The following PATL1 variants were observed in gnomAD, a reference collection of about 807,000 sequenced individuals.
PATL1 encodes protein PAT1 homolog 1.
Under a neutral mutation model 100.6 loss-of-function variants are expected in PATL1, and 32 were observed. The observed-to-expected ratio is 0.32, with a 90% CI of 0.24 to 0.43. PATL1 has a LOEUF of 0.43. Among genes scored for constraint, PATL1 ranks in the 20% least tolerant of loss-of-function variants. The pLI is 1.00. For synonymous variants in PATL1, 332 were observed against 330.0 expected, an observed-to-expected ratio of 1.01 and a Z score of -0.07; for missense variants, 747 against 949.9, an observed-to-expected ratio of 0.79 and a Z score of 2.81.
intron 13 of PATL1, among the ~76,000 whole-genome samples, chr11:59,650,012 G>A (rs1338511104): frequency 6.6e-6 from 1 of 151,652 alleles, no homozygotes; most frequent in Admixed American, 6.6e-5. Flanking sequence ...TCCCAGCTAC[G>A]CAGGTGGCTG....
intron 16 of PATL1, chr11:59,642,610 G>T: frequency 6.7e-6 from 2 of 297,294 alleles, no homozygotes; most frequent in South Asian, 7.5e-5. Context: ...GAAGCCACTG[G>T]TAAGAATGGC....
intron 15 of PATL1, among the ~76,000 whole-genome samples, chr11:59,645,520 T>G (rs552732640): frequency 6.6e-6 from 1 of 151,882 alleles, no homozygotes; most frequent in Non-Finnish European, 1.5e-5. Flanking sequence ...GCTAAAATTC[T>G]TCTACAAAGA....
chr11:59,665,659 G>C (rs367837250), intron 2 of PATL1, among the ~76,000 whole-genome samples: 1 of 152,046 alleles, frequency 6.6e-6, no homozygotes, highest in Non-Finnish European at 1.5e-5. Flanking sequence ...TTAGCCGGGC[G>C]CTTGTGTTCT....
chr11:59,655,110 A>T (rs567116172), intron 8 of PATL1, among the ~76,000 whole-genome samples: 3 of 152,194 alleles, frequency 2.0e-5, no homozygotes, highest in Non-Finnish European at 4.4e-5. Context: ...TCTTAAAATA[A>T]AACCTGCTCA....
rs1200684411 is a variant in PATL1 at position 59,638,128 on chromosome 11, A to G, written c.*262T>C. On this transcript the variant is annotated 3_prime_UTR_variant, in exon 19 of 19. Transcript: ENST00000300146. ...CTCTAGGGCAAAGAAAATGCAAAAC[A>G]GAACTGAGTAAAAGTAGGACATGCA... The G allele has an allele frequency of 3.8e-6, 2 of 525,348 alleles. No individual in the cohort carries two copies. The highest frequency in any genetic ancestry group is 3.8e-5 in the African/African-American group (2 of 52,496). The allele number at this position is 525,348 out of a possible 1,614,324, so 32.5% of individuals were successfully genotyped here.
At position 59,643,055 on chromosome 11, in the gene PATL1, G is replaced by A; in HGVS notation, c.1894-20C>T. 1 of 1,612,018 alleles carries A rather than the reference G, an allele frequency of 6.2e-7. No homozygotes were observed. The highest frequency in any genetic ancestry group is 8.5e-7 in the Non-Finnish European group (1 of 1,178,682). ...CAGCACCTACAAAAAACAAATAAAA[G>A]CATTATATCCTGGCACGTGTTACTT... On this transcript the variant is annotated intron_variant, in intron 15 of 18. Coordinates refer to ENST00000300146, the MANE Select transcript of PATL1 (RefSeq NM_152716.3).
At chr11:59,638,977 C>A in intron 18 of PATL1, 71 bp downstream of exon 18, 1 of 1,525,880 alleles carries the variant, frequency 6.6e-7, no homozygotes, top group Non-Finnish European at 8.9e-7. Context: ...GCCACCGTAC[C>A]CAGCCTCCCA....
At chr11:59,665,341 CT>C (rs1464107586) in intron 2 of PATL1, among the ~76,000 whole-genome samples, 1 of 152,132 alleles carries the variant, frequency 6.6e-6, no homozygotes, top group African/African-American at 2.4e-5. Context: ...TCTCTTTTTC[CT>C]TATGACTTAA....
intron 2 of PATL1, among the ~76,000 whole-genome samples, chr11:59,660,747 TG>T (rs1404216367): frequency 1.3e-5 from 2 of 152,218 alleles, no homozygotes; most frequent in Non-Finnish European, 2.9e-5. Flanking sequence ...AATTTTCATT[TG>T]GCTTAACTTT....
chr11:59,641,688 G>C (rs566821703), intron 16 of PATL1, among the ~76,000 whole-genome samples: 1 of 152,118 alleles, frequency 6.6e-6, no homozygotes, highest in African/African-American at 2.4e-5. Flanking sequence ...AGGAGGCAGA[G>C]GTTGCAGTGA....
intron 13 of PATL1, among the ~76,000 whole-genome samples, chr11:59,650,481 C>T (rs1206552907): frequency 2.0e-5 from 3 of 152,176 alleles, no homozygotes; most frequent in Non-Finnish European, 4.4e-5. Flanking sequence ...AGGTGACTTG[C>T]CCAGACACTC....
At chr11:59,645,024 CT>C (rs59644562) in intron 15 of PATL1, among the ~76,000 whole-genome samples, 23,156 of 130,064 alleles carry the variant, frequency 0.18, 3,163 homozygotes, top group African/African-American at 0.39. Context: ...TCCCCATCCA[CT>C]TTTTTTTTTT....
chr11:59,666,414 G>C (rs1351284589), intron 2 of PATL1, among the ~76,000 whole-genome samples: 1 of 152,140 alleles, frequency 6.6e-6, no homozygotes, highest in Non-Finnish European at 1.5e-5. Context: ...TTATATACTA[G>C]TGATAGACTA....
In PATL1 at chr11:59,655,967, C is replaced by G. The variant is rs770452626; in HGVS notation, c.802G>C (p.Gly268Arg). Residue 268 changes from glycine (G) to arginine (R), a missense_variant, in exon 7 of 19, where the codon GGA (glycine) becomes CGA (arginine). Physicochemically the swap from Gly to Arg is moderately radical, Grantham distance 125 (BLOSUM62 -2). Around this residue, in one of 4 missense-constraint regions of PATL1, gnomAD observed 127 missense variants for 116.0 expected, o/e 1.09. Coordinates refer to ENST00000300146, the MANE Select transcript of PATL1 (RefSeq NM_152716.3). Reference protein sequence around the residue: ...LSPLQRAQLLGGAQLQPGRMS... With the variant: ...LSPLQRAQLLRGAQLQPGRMS... ...AATCACAGGCTTACCTGTGCTCCTC[C>G]AAGAAGCTGTGCTCTCTGGAGGGGG... The G allele has an allele frequency of 7.3e-5, 117 of 1,594,026 alleles. No individual in the cohort carries two copies. The highest frequency in any genetic ancestry group is 9.8e-5 in the Non-Finnish European group (115 of 1,169,984).
chr11:59,647,229 A>AAAAC (rs1189608916), intron 15 of PATL1, among the ~76,000 whole-genome samples: 5 of 150,708 alleles, frequency 3.3e-5, no homozygotes, highest in African/African-American at 1.2e-4. Context: ...TCTCAAAAAA[A>AAAAC]AAAAAAAAAA....
chr11:59,643,028 G>A lies in PATL1; in HGVS notation c.1901C>T (p.Pro634Leu), dbSNP rs1013969226. 5 of 1,613,456 alleles carry A rather than the reference G, an allele frequency of 3.1e-6. No individual in the cohort carries two copies. In the Admixed American group the frequency reaches 5.0e-5, roughly 16 times the overall value. Residue 634 changes from proline to leucine, a missense_variant, in exon 16 of 19, where the codon CCA becomes CTA. Transcript: ENST00000300146. The part of the protein sequence containing the change: ...IKKDAQDEVL[P>L]CLLSPFSLLL... ...GAGAGAGAAGGGACTCAGTAAGCAT[G>A]GCAGCACCTACAAAAAACAAATAAA...
intron 2 of PATL1, among the ~76,000 whole-genome samples, chr11:59,665,225 T>C (rs1276533017): frequency 3.9e-5 from 6 of 152,380 alleles, no homozygotes; most frequent in African/African-American, 1.2e-4. Context: ...TAAGCTTTAA[T>C]AAATGTATTA....
At chr11:59,644,232 GTATCA>G (rs1195535429) in intron 15 of PATL1, among the ~76,000 whole-genome samples, 1 of 152,042 alleles carries the variant, frequency 6.6e-6, no homozygotes, top group Non-Finnish European at 1.5e-5. Context: ...TGTTCCTTCT[GTATCA>G]TATCATTTCA....
Position 59,668,910 on chromosome 11 carries a change from G to A in PATL1, c.-15C>T, listed in dbSNP as rs1193932457. On this transcript the variant is annotated 5_prime_UTR_variant, in exon 1 of 19. Coordinates refer to ENST00000300146, the MANE Select transcript of PATL1 (RefSeq NM_152716.3). The stretch of plus-strand genomic sequence containing the variant: ...TAGCGGAACATTCTTGGGGAGGGGG[G>A]CAGGGAGCGGGGAGGGGAGAGGGGG... The A allele has an allele frequency of 7.1e-6, 5 of 701,378 alleles. No individual in the cohort carries two copies. Among genetic ancestry groups the A allele is most frequent in the African/African-American group, 1.9e-5 (1 of 53,050 alleles). The allele number at this position is 701,378 out of a possible 1,614,324, so 43.4% of individuals were successfully genotyped here. A position where few individuals can be genotyped will look rare whatever the true frequency, so the allele number is the denominator to read the frequency against.
Sources: allele counts gnomAD v4.1 joint callset (sites outside exome capture counted in the v4.1 genomes callset), GRCh38; gene constraint gnomAD v4.1.1; regional missense constraint gnomAD v4.1.1; transcripts MANE v1.5; gene names NCBI Gene and HGNC (gene_info 2026-07-23, HGNC 2026-07-21).